Variants in DPP6 observed in about 807,000 individuals in gnomAD.
The protein encoded by DPP6 is A-type potassium channel modulatory protein DPP6.
DPP6 carries 69 observed loss-of-function variants against 122.6 expected under a neutral mutation model. The observed-to-expected ratio is 0.56, with a 90% CI of 0.46 to 0.69. The LOEUF is 0.69. DPP6 is among the 30% of genes least tolerant of loss of function. The pLI is 0.00. For missense variants in DPP6, 928 were observed against 1,116.9 expected (o/e 0.83, Z 2.41); for synonymous variants, 418 against 433.1 (o/e 0.97, Z 0.43).
chr7:154,823,562 C>T (rs1418123542), intron 16 of DPP6, among the ~76,000 whole-genome samples: 1 of 152,134 alleles, frequency 6.6e-6, no homozygotes, highest in Non-Finnish European at 1.5e-5. Context: ...TTCAACTTAA[C>T]ATAAAGAAAA....
At chr7:153,770,627 A>T in the DPP6 span, among the ~76,000 whole-genome samples, 2 of 152,200 alleles carry the variant, frequency 1.3e-5, no homozygotes, top group Non-Finnish European at 2.9e-5. Context: ...AATAAGGATG[A>T]GGAATATGGA....
intron 1 of DPP6, among the ~76,000 whole-genome samples, chr7:154,018,323 G>A (rs1798530303): frequency 6.6e-6 from 1 of 152,018 alleles, no homozygotes; most frequent in Admixed American, 6.6e-5. Context: ...ATAAGGGGGT[G>A]AAAAATGGCT....
intron 1 of DPP6, among the ~76,000 whole-genome samples, chr7:154,296,088 G>C (rs1470342354): frequency 6.6e-6 from 1 of 151,108 alleles, no homozygotes; most frequent in African/African-American, 2.5e-5. Context: ...GAGACTACAG[G>C]CACCTGCCAC....
chr7:154,314,796 A>G lies in DPP6; in HGVS notation c.244-131418A>G, dbSNP rs542573287. On this transcript the variant is annotated intron_variant, in intron 1 of 25. Transcript: ENST00000377770. ...AGCAATCCTGAGTGAAACGTGGGAA[A>G]TATAATATGCCAAGAAGATTAACAC... is the stretch of plus-strand genomic sequence containing the variant. Among the ~76,000 whole-genome samples, 3 of 152,350 alleles carry G rather than the reference A, an allele frequency of 2.0e-5. No individual in the cohort carries two copies. In the South Asian group the frequency reaches 6.2e-4, roughly 32 times the overall value.
chr7:154,335,184 C>T (rs189948540), intron 1 of DPP6, among the ~76,000 whole-genome samples: 184 of 152,276 alleles, frequency 1.2e-3, no homozygotes, highest in African/African-American at 4.1e-3. Context: ...AACATTGCCA[C>T]GTTAATGTTA....
intron 8 of DPP6, among the ~76,000 whole-genome samples, chr7:154,740,942 T>C (rs566511835): frequency 5.3e-4 from 81 of 152,304 alleles, no homozygotes; most frequent in African/African-American, 1.9e-3. Flanking sequence ...TTCTATAAAA[T>C]TTGCATTATT....
At chr7:154,428,212 A>G (rs1487633916) in intron 1 of DPP6, among the ~76,000 whole-genome samples, 1 of 152,172 alleles carries the variant, frequency 6.6e-6, no homozygotes, top group Non-Finnish European at 1.5e-5. Flanking sequence ...ATATTTCAAT[A>G]CTCTTATTTT....
intron 5 of DPP6, among the ~76,000 whole-genome samples, chr7:154,574,517 G>GT (rs1831359841): frequency 7.7e-6 from 1 of 129,264 alleles, no homozygotes; most frequent in Middle Eastern, 5.0e-3. Context: ...TGTGTGGTGT[G>GT]GTGTATATGT....
At position 153,964,815 on chromosome 7, in the gene DPP6, T is replaced by TCCTTG. The variant is rs1795562871; in HGVS notation, c.51+77085_51+77086insGCCTT. Reference sequence around the variant, plus strand: ...TCCTTTCCTTTCCTTTCCTTTCCTTTCCTTTCCTTTCCTTTTCCTTTTCCT... The same window carrying TCCTTG: ...TCCTTTCCTTTCCTTTCCTTTCCTTTCCTTGCCTTTCCTTTCCTTTTCCTTTTCCT... On this transcript the variant is annotated intron_variant, in intron 1 of 25. Coordinates refer to the DPP6 transcript ENST00000404039. Among the ~76,000 whole-genome samples the TCCTTG allele has an allele frequency of 1.5e-4, 7 of 45,360 alleles. 2 individuals are homozygous for TCCTTG. The highest frequency in any genetic ancestry group is 1.3e-3 in the African/African-American group (7 of 5,336). 29.8% of individuals were successfully genotyped at this position (45,360 alleles called of 152,430 possible).
At chr7:154,236,256 C>G (rs962704191) in intron 1 of DPP6, among the ~76,000 whole-genome samples, 1 of 152,054 alleles carries the variant, frequency 6.6e-6, no homozygotes, top group Non-Finnish European at 1.5e-5. Flanking sequence ...GAAACTATAC[C>G]TGGTACATTT....
intron 3 of DPP6, among the ~76,000 whole-genome samples, chr7:154,485,006 A>T (rs1181924402): frequency 2.6e-5 from 4 of 152,026 alleles, no homozygotes; most frequent in Non-Finnish European, 5.9e-5. Context: ...AGAGGGGGGA[A>T]TTCAAGTTTA....
chr7:153,882,647 A>T (rs1798785755), upstream of DPP6, among the ~76,000 whole-genome samples: 1 of 152,346 alleles, frequency 6.6e-6, no homozygotes, highest in South Asian at 2.1e-4. Context: ...CGACACCACC[A>T]ATGGCTGCAT....
At chr7:154,196,666 C>A (rs1033494550) in intron 1 of DPP6, among the ~76,000 whole-genome samples, 1 of 152,148 alleles carries the variant, frequency 6.6e-6, no homozygotes, top group Non-Finnish European at 1.5e-5. Flanking sequence ...GGCTCCCTGG[C>A]CATGAGCCAG....
rs771424223 is a variant in DPP6, at chr7:154,368,101, C to T, written c.244-78113C>T. On this transcript the variant is annotated intron_variant, in intron 1 of 25. Coordinates refer to ENST00000377770, the MANE Select transcript of DPP6 (RefSeq NM_130797.4). ...GAAGGCATGAGCCACCACACCCAGCCGTGAAATTTACTTTATACTGTGGAA... is the reference window on the plus strand; with the variant it reads ...GAAGGCATGAGCCACCACACCCAGCTGTGAAATTTACTTTATACTGTGGAA... Among the ~76,000 whole-genome samples the T allele has an allele frequency of 2.4e-4, 37 of 152,122 alleles. 1 individual carries two copies. Among genetic ancestry groups the T allele is most frequent in the Admixed American group, 3.9e-4 (6 of 15,276 alleles).
chr7:154,678,437 C>T (rs1839065831), intron 7 of DPP6, among the ~76,000 whole-genome samples: 1 of 152,122 alleles, frequency 6.6e-6, no homozygotes, highest in Non-Finnish European at 1.5e-5. Flanking sequence ...TCTGGGCGCG[C>T]CACCTTTAAG....
chr7:154,679,060 T>C (rs1028064865), intron 7 of DPP6, among the ~76,000 whole-genome samples: 2 of 151,822 alleles, frequency 1.3e-5, no homozygotes, highest in Non-Finnish European at 1.5e-5. Flanking sequence ...AGAAGGAGAG[T>C]TGGGCTGCCC....
chr7:154,815,002 CAG>C (rs2150483669), intron 16 of DPP6, among the ~76,000 whole-genome samples: 1 of 152,264 alleles, frequency 6.6e-6, no homozygotes, highest in African/African-American at 2.4e-5. Flanking sequence ...AACCGAGGGT[CAG>C]GACTTCAGTG....
chr7:154,218,180 T>A (rs1800107998), intron 1 of DPP6, among the ~76,000 whole-genome samples: 1 of 152,066 alleles, frequency 6.6e-6, no homozygotes, highest in African/African-American at 2.4e-5. Context: ...TGAGTTGGGA[T>A]CCTGGTAAAG....
At chr7:153,758,365 G>T in the DPP6 span, among the ~76,000 whole-genome samples, 1 of 152,190 alleles carries the variant, frequency 6.6e-6, no homozygotes, top group African/African-American at 2.4e-5. Flanking sequence ...GTACATTGAG[G>T]TATAGTTGAC....
Sources: gnomAD v4.1 joint callset for allele counts (sites outside exome capture counted in the v4.1 genomes callset) on GRCh38, gnomAD v4.1.1 for gene constraint, MANE v1.5 for transcripts, NCBI Gene and HGNC (gene_info 2026-07-23, HGNC 2026-07-21) for gene names.